RAP1GAP2: variants seen among roughly 807,000 people sequenced by gnomAD.
RAP1GAP2 encodes the protein rap1 GTPase-activating protein 2.
Under a neutral mutation model 95.0 loss-of-function variants are expected in RAP1GAP2, and 27 were observed. The ratio of observed to expected loss-of-function variants is 0.28; its 90% CI spans 0.21 to 0.39. The LOEUF (loss-of-function observed/expected upper bound fraction) is 0.39, where lower values mean the gene tolerates loss of function less well. Ranked by LOEUF, RAP1GAP2 falls within the 10% of genes least tolerant of loss-of-function variation. The pLI, the probability that RAP1GAP2 is intolerant of heterozygous loss-of-function variation, is 1.00. For missense variants in RAP1GAP2, 771 were observed against 970.0 expected, an observed-to-expected ratio of 0.79 and a Z score of 2.72; for synonymous variants, 373 against 380.9, an observed-to-expected ratio of 0.98 and a Z score of 0.24.
intron 3 of RAP1GAP2, among the ~76,000 whole-genome samples, chr17:2,931,681 C>G (rs563182348): frequency 3.9e-5 from 6 of 152,172 alleles, no homozygotes; most frequent in Admixed American, 2.0e-4. Context: ...TAGAATCACT[C>G]GGGACCGAAG....
At position 2,907,086 on chromosome 17, in the gene RAP1GAP2, A is replaced by G. The variant is rs539221441; in HGVS notation, c.165+1718A>G. The stretch of plus-strand genomic sequence containing the variant: ...CTGTGAAGTAACCCCAGTGAAAAGA[A>G]AAGTATTTTTTTCCCCCAGTAGTTC... On this transcript the variant is annotated intron_variant, in intron 3 of 24. Transcript: ENST00000254695. 2.5e-5 allele frequency among the ~76,000 whole-genome samples: 3 copies of G among 120,120 alleles called. No individual in the cohort carries two copies. In the East Asian group the frequency reaches 6.1e-4, roughly 24 times the overall value. 78.8% of individuals were successfully genotyped at this position (120,120 alleles called of 152,430 possible).
At chr17:2,889,199 A>G (rs913207664) in intron 2 of RAP1GAP2, among the ~76,000 whole-genome samples, 12 of 152,098 alleles carry the variant, frequency 7.9e-5, no homozygotes, top group South Asian at 2.1e-4. Context: ...GTTCCCACCA[A>G]TCGTGTCTCA....
chr17:3,004,781 G>A lies in RAP1GAP2; in HGVS notation c.1201-588G>A, dbSNP rs1193912741. Among the ~76,000 whole-genome samples, 1 of 152,254 alleles carries A rather than the reference G, an allele frequency of 6.6e-6. No homozygotes were observed. Among genetic ancestry groups the A allele is most frequent in the Non-Finnish European group, 1.5e-5 (1 of 68,040 alleles). On this transcript the variant is annotated intron_variant, in intron 14 of 24. Coordinates refer to ENST00000254695, the MANE Select transcript of RAP1GAP2 (RefSeq NM_015085.5). This position sits in a 1 kb window ranked among gnomAD's most constrained non-coding sequence, Gnocchi z 4.1. ...CGGGGGGCCCTACCCTTCCGATTCG[G>A]CAGGTTTAGGCCAGAGCCCATGAAC...
rs2046311355 is a variant in RAP1GAP2, at chr17:3,005,730, C to G, written c.1273-225C>G. 6.6e-6 allele frequency among the ~76,000 whole-genome samples: 1 copy of G among 152,116 alleles called. No individual in the cohort carries two copies. Among genetic ancestry groups the G allele is most frequent in the Non-Finnish European group, 1.5e-5 (1 of 68,028 alleles). ...AAGGAGCCTTGGGCAGGAATGAGCT[C>G]CAGTCGTGGAAGTGCCACTGTGGCT... On this transcript the variant is annotated intron_variant, in intron 15 of 24. Transcript: ENST00000254695. This position sits in a 1 kb window ranked among gnomAD's most constrained non-coding sequence, Gnocchi z 5.2.
chr17:2,757,002 CCA>C (rs1294939681), intron 1 of RAP1GAP2, among the ~76,000 whole-genome samples: 1 of 152,182 alleles, frequency 6.6e-6, no homozygotes, highest in Non-Finnish European at 1.5e-5. Context: ...TCCGAAAATC[CCA>C]CAGTGTCAGA....
chr17:2,802,862 C>T (rs958896515), intron 2 of RAP1GAP2, among the ~76,000 whole-genome samples: 1 of 152,076 alleles, frequency 6.6e-6, no homozygotes, highest in Non-Finnish European at 1.5e-5. Flanking sequence ...CAGTGCAGAC[C>T]CATTCAATCT....
At chr17:2,765,398 A>C (rs1192088105) in intron 1 of RAP1GAP2, among the ~76,000 whole-genome samples, 1 of 152,050 alleles carries the variant, frequency 6.6e-6, no homozygotes, top group Non-Finnish European at 1.5e-5. Context: ...AGGCAGGAGG[A>C]TCGCTTGAGC....
At chr17:2,962,353 A>C in intron 4 of RAP1GAP2, 1 of 363,370 alleles carries the variant, frequency 2.8e-6, no homozygotes, top group Non-Finnish European at 5.0e-6. Context: ...CATCATTCCC[A>C]TTTTACAGAT....
At chr17:2,814,602 G>A (rs1187182999) in intron 2 of RAP1GAP2, among the ~76,000 whole-genome samples, 3 of 152,108 alleles carry the variant, frequency 2.0e-5, no homozygotes, top group Non-Finnish European at 2.9e-5. Flanking sequence ...CCCCACTTGG[G>A]GTCTGAGACC....
chr17:2,957,696 G>A, intron 3 of RAP1GAP2, 63 bp from the exon 4 acceptor site: 1 of 1,530,704 alleles, frequency 6.5e-7, no homozygotes, highest in Non-Finnish European at 8.9e-7. Flanking sequence ...GTGAGGAAGA[G>A]GCTTTTGCTG....
intron 2 of RAP1GAP2, among the ~76,000 whole-genome samples, chr17:2,814,539 A>C (rs1448986840): frequency 2.0e-5 from 3 of 152,098 alleles, no homozygotes; most frequent in African/African-American, 7.2e-5. Context: ...ACCTCAGGTC[A>C]CATGCAGCTC....
At position 2,941,030 on chromosome 17, in the gene RAP1GAP2, T is replaced by C. The variant is rs570032091; in HGVS notation, c.166-16729T>C. 2.6e-5 allele frequency among the ~76,000 whole-genome samples: 4 copies of C among 152,322 alleles called. No individual in the cohort carries two copies. The East Asian group carries it at 7.7e-4, about 29-fold the overall frequency. ...CCAGCCAGAAACGGCCCAACCTCTCTGGACCCTGGCAGGGTGTGGGTAGTG... is the reference window on the plus strand; with the variant it reads ...CCAGCCAGAAACGGCCCAACCTCTCCGGACCCTGGCAGGGTGTGGGTAGTG... On this transcript the variant is annotated intron_variant, in intron 3 of 24. Transcript: ENST00000254695.
chr17:2,843,625 T>G (rs1351520756), intron 2 of RAP1GAP2, among the ~76,000 whole-genome samples: 2 of 149,594 alleles, frequency 1.3e-5, no homozygotes, highest in Non-Finnish European at 3.0e-5. Flanking sequence ...ATTGCATCAT[T>G]AATAAAGTCT....
At chr17:2,786,638 CA>C (rs1290882121) in intron 1 of RAP1GAP2, among the ~76,000 whole-genome samples, 2 of 129,724 alleles carry the variant, frequency 1.5e-5, no homozygotes, top group Non-Finnish European at 3.3e-5. Context: ...TTTTTTTCTT[CA>C]ATTTTTTTTT....
At chr17:2,802,571 C>T (rs549317075) in intron 2 of RAP1GAP2, among the ~76,000 whole-genome samples, 6 of 152,220 alleles carry the variant, frequency 3.9e-5, no homozygotes, top group East Asian at 1.9e-4. Flanking sequence ...ATTAGCTGGG[C>T]GCGGTGGCGG....
chr17:3,024,515 C>A (rs1448885463), intron 19 of RAP1GAP2, among the ~76,000 whole-genome samples: 1 of 152,106 alleles, frequency 6.6e-6, no homozygotes, highest in Non-Finnish European at 1.5e-5. Context: ...CATAGAGTTA[C>A]CATATGACCA....
chr17:2,966,960 G>A (rs1056971628), intron 8 of RAP1GAP2, among the ~76,000 whole-genome samples: 1 of 152,148 alleles, frequency 6.6e-6, no homozygotes, highest in Non-Finnish European at 1.5e-5. Context: ...GAAAAATGCC[G>A]GGCACGCAAC....
intron 2 of RAP1GAP2, among the ~76,000 whole-genome samples, chr17:2,838,538 C>T (rs960606799): frequency 6.6e-6 from 1 of 152,034 alleles, no homozygotes; most frequent in Non-Finnish European, 1.5e-5. Context: ...GTTGACCCCT[C>T]GGGATGTGTG....
At chr17:2,832,346 CA>C (rs1179755088) in intron 2 of RAP1GAP2, among the ~76,000 whole-genome samples, 4 of 150,884 alleles carry the variant, frequency 2.7e-5, no homozygotes, top group South Asian at 2.1e-4. Flanking sequence ...ATCACGAGGT[CA>C]GGAGATCGAG....
Sources: gnomAD v4.1 joint callset for allele counts (sites outside exome capture counted in the v4.1 genomes callset) on GRCh38, gnomAD v4.1.1 for gene constraint, Gnocchi (gnomAD v3.1) non-coding constraint, MANE v1.5 for transcripts, NCBI Gene and HGNC (gene_info 2026-07-23, HGNC 2026-07-21) for gene names.